Variants in MACROD2 observed in about 807,000 individuals in gnomAD.
The protein encoded by MACROD2 is ADP-ribose glycohydrolase MACROD2.
MACROD2 carries 36 observed loss-of-function variants against 70.4 expected under a neutral mutation model. The observed-to-expected ratio is 0.51, with a 90% CI of 0.39 to 0.68. The LOEUF (loss-of-function observed/expected upper bound fraction) is 0.68, where lower values mean the gene tolerates loss of function less well. Among genes scored for constraint, MACROD2 ranks in the 30% least tolerant of loss-of-function variants. The probability of loss-of-function intolerance (pLI) is 0.00; values close to 1 mark genes in which losing one functional copy is unlikely to be tolerated. For missense variants in MACROD2, 496 were observed against 538.4 expected (o/e 0.92, Z 0.78); for synonymous variants, 172 against 178.8 (o/e 0.96, Z 0.30).
At chr20:14,100,905 T>G (rs909380923) in intron 3 of MACROD2, among the ~76,000 whole-genome samples, 2 of 145,936 alleles carry the variant, frequency 1.4e-5, no homozygotes, top group African/African-American at 5.0e-5. Flanking sequence ...TAATCAAAAT[T>G]GACTTGACTT....
chr20:15,474,504 T>C (rs938394510), intron 7 of MACROD2, among the ~76,000 whole-genome samples: 14 of 152,332 alleles, frequency 9.2e-5, no homozygotes, highest in African/African-American at 3.1e-4. Flanking sequence ...TCATCTTTCT[T>C]TGCTTTTTCC....
intron 3 of MACROD2, among the ~76,000 whole-genome samples, chr20:14,391,353 A>T (rs888094947): frequency 2.0e-5 from 3 of 152,212 alleles, no homozygotes; most frequent in African/African-American, 7.2e-5. Context: ...CATTATCCTT[A>T]GCAAACTAAC....
intron 3 of MACROD2, among the ~76,000 whole-genome samples, chr20:14,386,200 T>G (rs1003384880): frequency 6.6e-5 from 10 of 152,174 alleles, no homozygotes; most frequent in Non-Finnish European, 1.5e-4. Flanking sequence ...TAGGAAGTGG[T>G]GGTTTAATGA....
At chr20:14,526,448 T>G (rs1372930760) in intron 4 of MACROD2, among the ~76,000 whole-genome samples, 1 of 152,208 alleles carries the variant, frequency 6.6e-6, no homozygotes, top group Non-Finnish European at 1.5e-5. Context: ...TTCATTTACA[T>G]TCCGCTCATT....
At chr20:14,176,662 A>G (rs569041569) in intron 3 of MACROD2, among the ~76,000 whole-genome samples, 1 of 152,310 alleles carries the variant, frequency 6.6e-6, no homozygotes, top group African/African-American at 2.4e-5. Context: ...CTTAAAAGCC[A>G]TGTGTATTTG....
intron 15 of MACROD2, among the ~76,000 whole-genome samples, chr20:16,030,025 GT>G (rs1486352980): frequency 6.6e-6 from 1 of 152,172 alleles, no homozygotes; most frequent in East Asian, 1.9e-4. Flanking sequence ...GCTGCAGAGG[GT>G]TTATCACCTG....
At chr20:15,454,453 AC>A (rs1555822889) in intron 7 of MACROD2, among the ~76,000 whole-genome samples, 1 of 131,692 alleles carries the variant, frequency 7.6e-6, no homozygotes, top group Non-Finnish European at 1.7e-5. Flanking sequence ...ACACACACAC[AC>A]CCTTATTATA....
intron 5 of MACROD2, among the ~76,000 whole-genome samples, chr20:14,851,257 A>G (rs1351930569): frequency 2.0e-5 from 3 of 152,108 alleles, no homozygotes; most frequent in Non-Finnish European, 2.9e-5. Context: ...CCGATACTGG[A>G]GGCTGGACAC....
intron 12 of MACROD2, among the ~76,000 whole-genome samples, chr20:15,963,693 T>G (rs2066097496): frequency 6.6e-6 from 1 of 152,210 alleles, no homozygotes; most frequent in African/African-American, 2.4e-5. Flanking sequence ...TCCATACATG[T>G]AATATTCTGT....
intron 3 of MACROD2, among the ~76,000 whole-genome samples, chr20:14,470,490 G>T (rs773306556): frequency 5.3e-5 from 8 of 152,168 alleles, no homozygotes; most frequent in African/African-American, 1.9e-4. Context: ...GAGCTAGCAG[G>T]CAGTAACGTT....
At chr20:15,986,145 C>T (rs1224339300) in intron 13 of MACROD2, among the ~76,000 whole-genome samples, 1 of 152,150 alleles carries the variant, frequency 6.6e-6, no homozygotes, top group Admixed American at 6.5e-5. Context: ...GGGCTGGTGC[C>T]GGGCTGCCTG....
chr20:14,009,664 G>T (rs1289865473), intron 2 of MACROD2, among the ~76,000 whole-genome samples: 1 of 152,136 alleles, frequency 6.6e-6, no homozygotes, highest in African/African-American at 2.4e-5. Flanking sequence ...GATAATAAAA[G>T]AAGGCGTATG....
chr20:15,365,818 C>A (rs2045401379), intron 6 of MACROD2, among the ~76,000 whole-genome samples: 1 of 151,912 alleles, frequency 6.6e-6, no homozygotes, highest in Non-Finnish European at 1.5e-5. Context: ...AAAAATTTAA[C>A]CTGATTGCAG....
intron 3 of MACROD2, among the ~76,000 whole-genome samples, chr20:14,229,029 CA>C (rs1403417543): frequency 1.3e-5 from 2 of 150,918 alleles, no homozygotes; most frequent in African/African-American, 2.4e-5. Flanking sequence ...ACATTAAATG[CA>C]AAGAACAGTG....
At chr20:14,827,271 A>G (rs958299713) in intron 5 of MACROD2, among the ~76,000 whole-genome samples, 10 of 152,050 alleles carry the variant, frequency 6.6e-5, no homozygotes, top group East Asian at 3.9e-4. Context: ...TTGGTTGTCA[A>G]TCTACACAGT....
rs370154969 is a variant in MACROD2 at position 15,619,357 on chromosome 20, G to T, written c.645+119510G>T. 1.0e-3 allele frequency: 191 copies of T among 190,134 alleles called. 3 individuals are homozygous for T. The South Asian group carries it at 0.019, about 18-fold the overall frequency. The allele number at this position is 190,134 out of a possible 1,614,324, so 11.8% of individuals were successfully genotyped here. ...AGTAATAAACAAAGACAGCTTGGAG[G>T]TTAGAGGCAAGATGGAGTTGGTTAA... On this transcript the variant is annotated intron_variant, in intron 8 of 17. Transcript: ENST00000684519.
intron 8 of MACROD2, among the ~76,000 whole-genome samples, chr20:15,671,889 A>C (rs115081592): frequency 1.6e-4 from 25 of 152,330 alleles, no homozygotes; most frequent in African/African-American, 5.5e-4. Context: ...TATTGGACTG[A>C]ATTATTTCAT....
intron 8 of MACROD2, among the ~76,000 whole-genome samples, chr20:15,795,687 T>A (rs1264630253): frequency 4.6e-5 from 7 of 152,208 alleles, no homozygotes; most frequent in Non-Finnish European, 2.9e-5. Context: ...GTCTGAGTAA[T>A]CACTGACATT....
chr20:14,624,094 C>G (rs1983991559), intron 4 of MACROD2, among the ~76,000 whole-genome samples: 1 of 152,144 alleles, frequency 6.6e-6, no homozygotes, highest in South Asian at 2.1e-4. Flanking sequence ...GTTTATCAGA[C>G]TTATCTGCAG....
Sources: allele counts gnomAD v4.1 joint callset (sites outside exome capture counted in the v4.1 genomes callset), GRCh38; gene constraint gnomAD v4.1.1; transcripts MANE v1.5; gene names NCBI Gene and HGNC (gene_info 2026-07-23, HGNC 2026-07-21).